ROBO2: variants seen among roughly 807,000 people sequenced by gnomAD.
The protein encoded by ROBO2 is roundabout homolog 2.
A neutral mutation model predicts 160.8 loss-of-function variants in ROBO2; 53 were observed. The ratio of observed to expected loss-of-function variants is 0.33; its 90% CI spans 0.26 to 0.41. The LOEUF (loss-of-function observed/expected upper bound fraction) is 0.41, where lower values mean the gene tolerates loss of function less well. Ranked by LOEUF, ROBO2 falls within the 10% of genes least tolerant of loss-of-function variation. The pLI is 1.00. For missense variants in ROBO2, 1,577 were observed against 1,722.4 expected (o/e 0.92, Z 1.49); for synonymous variants, 664 against 611.7 (o/e 1.09, Z -1.26).
chr3:77,110,500 A>T (rs2073429640), intron 2 of ROBO2, among the ~76,000 whole-genome samples: 1 of 151,832 alleles, frequency 6.6e-6, no homozygotes, highest in South Asian at 2.1e-4. Flanking sequence ...GAGGAAGCAT[A>T]GCCTTTTCAA....
At chr3:76,049,403 A>ATATATATATATATTTTTTTTTTTTTTTT (rs1414664360) in intron 2 of ROBO2, among the ~76,000 whole-genome samples, 1 of 53,752 alleles carries the variant, frequency 1.9e-5, no homozygotes, top group African/African-American at 1.5e-4. Context: ...ATATATATAT[A>ATATATATATATATTTTTTTTTTTTTTTT]TTTTTTTTTT....
intron 2 of ROBO2, among the ~76,000 whole-genome samples, chr3:77,298,483 T>C (rs923785680): frequency 1.3e-5 from 2 of 152,160 alleles, no homozygotes; most frequent in South Asian, 2.1e-4. Context: ...CTCTCACTCA[T>C]GAGTCTTTTG....
intron 2 of ROBO2, among the ~76,000 whole-genome samples, chr3:77,140,536 A>G (rs1371871481): frequency 6.6e-6 from 1 of 152,222 alleles, no homozygotes; most frequent in Admixed American, 6.5e-5. Flanking sequence ...ATTAGTGAGT[A>G]TGGTGGTAAC....
chr3:77,072,379 T>C (rs930957965), intron 1 of ROBO2, among the ~76,000 whole-genome samples: 1 of 152,144 alleles, frequency 6.6e-6, no homozygotes, highest in African/African-American at 2.4e-5. Context: ...ACCCTCCTCC[T>C]GCCGCCCACA....
intron 2 of ROBO2, among the ~76,000 whole-genome samples, chr3:77,178,143 G>T (rs2080336982): frequency 2.0e-5 from 3 of 151,896 alleles, no homozygotes; most frequent in Admixed American, 1.3e-4. Flanking sequence ...GAAGATAAGG[G>T]GTAGAACATG....
chr3:76,127,787 A>G (rs1030713331), intron 2 of ROBO2, among the ~76,000 whole-genome samples: 1 of 152,072 alleles, frequency 6.6e-6, no homozygotes, highest in African/African-American at 2.4e-5. Context: ...TACATCAATA[A>G]GAAACCTGTT....
chr3:77,326,798 T>G (rs1378544711), intron 2 of ROBO2, among the ~76,000 whole-genome samples: 1 of 152,218 alleles, frequency 6.6e-6, no homozygotes, highest in Non-Finnish European at 1.5e-5. Flanking sequence ...GGATAAGAAC[T>G]AACACAACAC....
chr3:77,425,977 G>A (rs751607144), intron 2 of ROBO2, among the ~76,000 whole-genome samples: 1 of 151,906 alleles, frequency 6.6e-6, no homozygotes, highest in African/African-American at 2.4e-5. Flanking sequence ...AATATGATTC[G>A]TGGTGTGACT....
intron 2 of ROBO2, among the ~76,000 whole-genome samples, chr3:77,156,008 C>G (rs920272088): frequency 1.3e-5 from 2 of 151,948 alleles, no homozygotes; most frequent in Non-Finnish European, 1.5e-5. Flanking sequence ...TATTGCCACT[C>G]TTTCTAGAGA....
chr3:76,523,288 CACTTACAG>C (rs1209916933), intron 2 of ROBO2, among the ~76,000 whole-genome samples: 1 of 151,986 alleles, frequency 6.6e-6, no homozygotes, highest in Non-Finnish European at 1.5e-5. Context: ...GATGACTAGT[CACTTACAG>C]AATAAAGTCC....
In ROBO2 at chr3:75,941,876, G is replaced by A. The variant is rs115529485; in HGVS notation, c.109+4274G>A. Among the ~76,000 whole-genome samples the A allele has an allele frequency of 2.4e-3, 358 of 152,168 alleles. 2 individuals carry two copies. The highest frequency in any genetic ancestry group is 8.3e-3 in the African/African-American group (344 of 41,546). ...AGTAATTATATGAAGACAATATCTT[G>A]TGTTTTGTATTTCATTGTTACACAT... On this transcript the variant is annotated intron_variant, in intron 2 of 26. Transcript: ENST00000487694.
intron 2 of ROBO2, among the ~76,000 whole-genome samples, chr3:77,279,261 T>C (rs902782644): frequency 6.6e-6 from 1 of 152,148 alleles, no homozygotes; most frequent in Non-Finnish European, 1.5e-5. Flanking sequence ...ACCATAAATT[T>C]TTTTAACTCT....
chr3:77,295,866 C>A (rs887567474), intron 2 of ROBO2, among the ~76,000 whole-genome samples: 3 of 148,708 alleles, frequency 2.0e-5, no homozygotes, highest in African/African-American at 4.9e-5. Context: ...GGCTAGATCA[C>A]CCCAGACACA....
chr3:77,494,033 T>C (rs1210730374), intron 5 of ROBO2, among the ~76,000 whole-genome samples: 1 of 152,186 alleles, frequency 6.6e-6, no homozygotes, highest in Non-Finnish European at 1.5e-5. Context: ...CAAAAATGCT[T>C]TTCATCATAT....
chr3:76,459,832 C>G (rs1217397219), intron 2 of ROBO2, among the ~76,000 whole-genome samples: 3 of 152,032 alleles, frequency 2.0e-5, no homozygotes, highest in African/African-American at 4.8e-5. Flanking sequence ...TTTTATCATT[C>G]ATTTCTATAA....
intron 2 of ROBO2, among the ~76,000 whole-genome samples, chr3:76,628,787 C>A (rs1004445944): frequency 6.6e-5 from 10 of 152,160 alleles, no homozygotes; most frequent in Non-Finnish European, 1.5e-4. Flanking sequence ...CATTGTTCAT[C>A]TGTTTCAGTT....
chr3:77,512,387 A>G (rs1305979122), intron 5 of ROBO2, among the ~76,000 whole-genome samples: 1 of 151,976 alleles, frequency 6.6e-6, no homozygotes, highest in African/African-American at 2.4e-5. Flanking sequence ...TAAAAGATTT[A>G]AGTTTCTGCA....
intron 2 of ROBO2, chr3:77,316,953 C>G (rs184736138): frequency 7.4e-7 from 1 of 1,349,030 alleles, no homozygotes; most frequent in African/African-American, 1.4e-5. Flanking sequence ...TTCCGAAGCG[C>G]GTGTTACTGT....
At chr3:77,256,114 T>C (rs946584125) in intron 2 of ROBO2, among the ~76,000 whole-genome samples, 1 of 152,226 alleles carries the variant, frequency 6.6e-6, no homozygotes, top group Admixed American at 6.5e-5. Context: ...AACAGAATTT[T>C]GTCTGCAGGT....
Sources: allele counts gnomAD v4.1 joint callset (sites outside exome capture counted in the v4.1 genomes callset), GRCh38; gene constraint gnomAD v4.1.1; transcripts MANE v1.5; gene names NCBI Gene and HGNC (gene_info 2026-07-23, HGNC 2026-07-21).